Variants in SCN11A observed in about 807,000 individuals in gnomAD.
SCN11A encodes the protein sodium channel protein type 11 subunit alpha.
SCN11A carries 122 observed loss-of-function variants against 162.2 expected under a neutral mutation model. The observed-to-expected ratio is 0.75, with a 90% CI of 0.65 to 0.87. SCN11A has a LOEUF of 0.87. Ranked by LOEUF, SCN11A falls within the 40% of genes least tolerant of loss-of-function variation. The pLI, the probability that SCN11A is intolerant of heterozygous loss-of-function variation, is 0.00. For missense variants in SCN11A, 2,015 were observed against 2,181.6 expected (o/e 0.92, Z 1.52); for synonymous variants, 758 against 751.5 (o/e 1.01, Z -0.14).
At chr3:38,933,751 G>T (rs1390940615) in intron 7 of SCN11A, among the ~76,000 whole-genome samples, 2 of 152,206 alleles carry the variant, frequency 1.3e-5, no homozygotes, top group African/African-American at 4.8e-5. Flanking sequence ...CGTCTGATTG[G>T]TGTACCTGAA....
At chr3:38,898,417 C>T (rs970013539) in intron 17 of SCN11A, among the ~76,000 whole-genome samples, 3 of 152,164 alleles carry the variant, frequency 2.0e-5, no homozygotes, top group Non-Finnish European at 4.4e-5. Context: ...ACACAGACCA[C>T]ACAGCCTGTA....
intron 9 of SCN11A, among the ~76,000 whole-genome samples, chr3:38,924,702 C>T (rs551852274): frequency 1.5e-4 from 23 of 152,156 alleles, no homozygotes; most frequent in Admixed American, 1.0e-3. Context: ...AGAGACGAGG[C>T]TTTTCCATAT....
intron 2 of SCN11A, among the ~76,000 whole-genome samples, chr3:38,992,969 C>T (rs2030499157): frequency 6.6e-6 from 1 of 152,234 alleles, no homozygotes; most frequent in African/African-American, 2.4e-5. Flanking sequence ...CAGCTCAGTC[C>T]TAGGTCAGGT....
chr3:39,039,267 T>TA (rs1340461301), intron 1 of SCN11A, among the ~76,000 whole-genome samples: 1 of 152,226 alleles, frequency 6.6e-6, no homozygotes, highest in Non-Finnish European at 1.5e-5. Context: ...AATGGAAGTC[T>TA]AAAAAATTGT....
chr3:38,990,978 T>C (rs7642737), intron 2 of SCN11A, among the ~76,000 whole-genome samples: 65,978 of 151,836 alleles, frequency 0.43, 17,608 homozygotes, highest in African/African-American at 0.77. Flanking sequence ...CCCCATTCAG[T>C]GGCCAATCAC....
At chr3:39,030,510 T>C (rs2031720610) in intron 2 of SCN11A, among the ~76,000 whole-genome samples, 1 of 152,236 alleles carries the variant, frequency 6.6e-6, no homozygotes, top group South Asian at 2.1e-4. Context: ...TGAGTGACTT[T>C]ATGGTATATT....
At position 38,899,260 on chromosome 3, in the gene SCN11A, T is replaced by A. The variant is rs116351349; in HGVS notation, c.2022+634A>T. Among the ~76,000 whole-genome samples, 738 of 152,278 alleles carry A rather than the reference T, an allele frequency of 4.8e-3. 6 individuals are homozygous for A. The highest frequency in any genetic ancestry group is 0.017 in the African/African-American group (707 of 41,560). The stretch of plus-strand genomic sequence containing the variant: ...ACTGTGCATGTAGCCCAGTCTTGTA[T>A]CACTCCTGTGCTGCAACCTTCTCAA... On this transcript the variant is annotated intron_variant, in intron 17 of 29. Coordinates refer to ENST00000302328, the MANE Select transcript of SCN11A (RefSeq NM_001349253.2).
At chr3:38,909,287 C>G in intron 12 of SCN11A, 93 bp from the exon 13 acceptor site, 2 of 1,162,244 alleles carry the variant, frequency 1.7e-6, no homozygotes, top group Non-Finnish European at 1.3e-6. Context: ...TAGCAGACAA[C>G]TGGTCTTCCC....
intron 2 of SCN11A, among the ~76,000 whole-genome samples, chr3:38,978,950 G>C (rs537494415): frequency 1.3e-5 from 2 of 152,148 alleles, no homozygotes; most frequent in Non-Finnish European, 2.9e-5. Context: ...CCTCCTTCTA[G>C]CCTTTCAAAG....
At chr3:38,875,061 A>G (rs192836953) in intron 23 of SCN11A, among the ~76,000 whole-genome samples, 2 of 152,170 alleles carry the variant, frequency 1.3e-5, no homozygotes. Flanking sequence ...TGCAACATCT[A>G]CCATATTATA....
chr3:38,875,067 T>C (rs1179593034), intron 23 of SCN11A, among the ~76,000 whole-genome samples: 1 of 152,130 alleles, frequency 6.6e-6, no homozygotes, highest in Non-Finnish European at 1.5e-5. Flanking sequence ...ATCTACCATA[T>C]TATAGATGAG....
At chr3:38,853,147 C>T (rs141775016) in intron 28 of SCN11A, among the ~76,000 whole-genome samples, 1 of 152,326 alleles carries the variant, frequency 6.6e-6, no homozygotes, top group East Asian at 1.9e-4. Flanking sequence ...CTATGTGTTG[C>T]AACTTTTGTT....
At chr3:38,865,039 T>G (rs769450309) in intron 27 of SCN11A, among the ~76,000 whole-genome samples, 1 of 152,144 alleles carries the variant, frequency 6.6e-6, no homozygotes, top group Non-Finnish European at 1.5e-5. Flanking sequence ...AAGAGATGTG[T>G]TCTAAAATAT....
chr3:39,013,648 A>T (rs1038970475), intron 2 of SCN11A, among the ~76,000 whole-genome samples: 3 of 152,168 alleles, frequency 2.0e-5, no homozygotes, highest in Non-Finnish European at 1.5e-5. Context: ...CCCATACTTA[A>T]CTCTCATAAA....
At chr3:38,881,034 G>C (rs1386562613) in intron 22 of SCN11A, among the ~76,000 whole-genome samples, 1 of 152,058 alleles carries the variant, frequency 6.6e-6, no homozygotes, top group African/African-American at 2.4e-5. Flanking sequence ...AAAGTCCTGG[G>C]GTGAAAAAAA....
chr3:38,940,167 A>G (rs2066420422), intron 7 of SCN11A, among the ~76,000 whole-genome samples: 1 of 151,980 alleles, frequency 6.6e-6, no homozygotes, highest in South Asian at 2.1e-4. Context: ...ATTCACAAAC[A>G]AATTTAACAA....
At chr3:38,946,737 C>T (rs769777683) in intron 6 of SCN11A, 52 bp downstream of exon 6, 15 of 1,155,314 alleles carry the variant, frequency 1.3e-5, no homozygotes, top group African/African-American at 9.2e-5. Flanking sequence ...CCGTGGGGCA[C>T]GTGCACTTTT....
At chr3:38,913,329 T>G (rs1263474300) in intron 11 of SCN11A, among the ~76,000 whole-genome samples, 1 of 152,138 alleles carries the variant, frequency 6.6e-6, no homozygotes, top group African/African-American at 2.4e-5. Flanking sequence ...TTCAGTGGAG[T>G]TGTTTTCTTA....
chr3:38,925,565 C>A, intron 8 of SCN11A, 56 bp from the exon 9 acceptor site: 1 of 1,210,554 alleles, frequency 8.3e-7, no homozygotes. Context: ...AGCTGCACTG[C>A]ACATCTCCAC....
Sources: allele counts gnomAD v4.1 joint callset (sites outside exome capture counted in the v4.1 genomes callset), GRCh38; gene constraint gnomAD v4.1.1; transcripts MANE v1.5; gene names NCBI Gene and HGNC (gene_info 2026-07-23, HGNC 2026-07-21).